The following CNTNAP2 variants were observed in gnomAD, a reference collection of about 807,000 sequenced individuals.
CNTNAP2 encodes contactin associated protein 2.
A neutral mutation model predicts 155.2 loss-of-function variants in CNTNAP2; 98 were observed. The ratio of observed to expected loss-of-function variants is 0.63; its 90% CI spans 0.54 to 0.75. CNTNAP2 has a LOEUF of 0.75. Ranked by LOEUF, CNTNAP2 falls within the 30% of genes least tolerant of loss-of-function variation. The pLI is 0.00. For missense variants in CNTNAP2, 1,727 were observed against 1,688.1 expected (o/e 1.02, Z -0.40); for synonymous variants, 651 against 631.2 (o/e 1.03, Z -0.47).
intron 1 of CNTNAP2, among the ~76,000 whole-genome samples, chr7:146,223,854 A>G (rs878912131): frequency 2.0e-5 from 3 of 152,234 alleles, no homozygotes; most frequent in Admixed American, 2.0e-4. Flanking sequence ...AATAGTTATA[A>G]AGTATAATAA....
chr7:146,179,946 G>A (rs1798526588), intron 1 of CNTNAP2, among the ~76,000 whole-genome samples: 1 of 152,176 alleles, frequency 6.6e-6, no homozygotes, highest in African/African-American at 2.4e-5. Flanking sequence ...TAGTAGGAAA[G>A]TGTCAGTGCT....
intron 14 of CNTNAP2, among the ~76,000 whole-genome samples, chr7:147,941,709 A>G (rs1000502233): frequency 6.6e-6 from 1 of 152,352 alleles, no homozygotes. Flanking sequence ...AATGTGACAC[A>G]TTAAGATTCA....
At chr7:146,557,085 C>T (rs922852032) in intron 1 of CNTNAP2, among the ~76,000 whole-genome samples, 1 of 152,022 alleles carries the variant, frequency 6.6e-6, no homozygotes, top group Non-Finnish European at 1.5e-5. Flanking sequence ...TAAATTAATG[C>T]AGTTGTACGT....
intron 5 of CNTNAP2, among the ~76,000 whole-genome samples, chr7:147,108,734 T>A (rs141087701): frequency 8.1e-4 from 123 of 152,258 alleles, no homozygotes; most frequent in Non-Finnish European, 9.7e-4. Context: ...CAGATTAATA[T>A]GATAAAGGGA....
Position 147,234,937 on chromosome 7 carries a change from A to C in CNTNAP2, c.1349-65204A>C, listed in dbSNP as rs1425420046. Among the ~76,000 whole-genome samples the C allele has an allele frequency of 2.0e-5, 3 of 152,248 alleles. No individual in the cohort carries two copies. The East Asian group carries it at 5.8e-4, about 30-fold the overall frequency. ...CCATTATTGTGATTATTTGATGCAGACGCTTTGATGGTTAATGTTATGTGA... is the reference window on the plus strand; with the variant it reads ...CCATTATTGTGATTATTTGATGCAGCCGCTTTGATGGTTAATGTTATGTGA... On this transcript the variant is annotated intron_variant, in intron 8 of 23. Transcript: ENST00000361727.
At chr7:147,153,099 A>G (rs1241639926) in intron 8 of CNTNAP2, among the ~76,000 whole-genome samples, 1 of 152,152 alleles carries the variant, frequency 6.6e-6, no homozygotes, top group Non-Finnish European at 1.5e-5. Context: ...CTGTTAAAAA[A>G]AAAATTAGGA....
chr7:146,544,211 A>G (rs924332723), intron 1 of CNTNAP2, among the ~76,000 whole-genome samples: 20 of 151,972 alleles, frequency 1.3e-4, no homozygotes, highest in African/African-American at 4.6e-4. Flanking sequence ...GAAACTGAGG[A>G]GTGAATATGT....
In CNTNAP2 at chr7:146,524,585, T is replaced by C. The variant is rs938103958; in HGVS notation, c.98-249686T>C. Among the ~76,000 whole-genome samples, 4 of 152,164 alleles carry C rather than the reference T, an allele frequency of 2.6e-5. No individual in the cohort carries two copies. The East Asian group carries it at 5.8e-4, about 22-fold the overall frequency. ...ACAGTTTATGTTTCTCAACATAAAATACTATCGTCGTCATGCCAGACTGCT... is the reference window on the plus strand; with the variant it reads ...ACAGTTTATGTTTCTCAACATAAAACACTATCGTCGTCATGCCAGACTGCT... On this transcript the variant is annotated intron_variant, in intron 1 of 23. Transcript: ENST00000361727.
chr7:146,934,898 AC>A (rs1200813055), intron 3 of CNTNAP2, among the ~76,000 whole-genome samples: 4 of 152,222 alleles, frequency 2.6e-5, no homozygotes, highest in Non-Finnish European at 4.4e-5. Context: ...AGTGACCATG[AC>A]CTTTTATGAT....
Position 148,081,423 on chromosome 7 carries a change from C to T in CNTNAP2, c.2384-36695C>T, listed in dbSNP as rs546151276. On this transcript the variant is annotated intron_variant, in intron 15 of 23. Transcript: ENST00000361727. The stretch of plus-strand genomic sequence containing the variant: ...TTAATCTGGGTGGGCACCATCTAAT[C>T]GGCTGCCAGCACGGCTAGAATATAA... 5.9e-5 allele frequency among the ~76,000 whole-genome samples: 9 copies of T among 152,078 alleles called. No homozygotes were observed. The East Asian group carries it at 1.2e-3, about 20-fold the overall frequency.
At chr7:146,715,777 T>TA (rs1470467361) in intron 1 of CNTNAP2, among the ~76,000 whole-genome samples, 4 of 152,200 alleles carry the variant, frequency 2.6e-5, no homozygotes, top group Non-Finnish European at 5.9e-5. Context: ...GAAGATTACT[T>TA]AATTGCCTGT....
chr7:147,468,823 T>C (rs867087284), intron 10 of CNTNAP2, among the ~76,000 whole-genome samples: 119 of 146,914 alleles, frequency 8.1e-4, no homozygotes, highest in Admixed American at 4.0e-3. Context: ...TATTTTCTTT[T>C]TTCTTCTTCT....
intron 15 of CNTNAP2, 29 bp downstream of exon 15, chr7:147,978,018 A>C (rs1188401183): frequency 1.5e-5 from 25 of 1,613,194 alleles, no homozygotes; most frequent in Non-Finnish European, 8.5e-7. Flanking sequence ...TATGGCTTGC[A>C]CTTTCTTATC....
In CNTNAP2 at chr7:147,073,901, G is replaced by C. The variant is rs144852246; in HGVS notation, c.550+29847G>C. 3.9e-4 allele frequency among the ~76,000 whole-genome samples: 59 copies of C among 152,258 alleles called. No homozygotes were observed. In the East Asian group the frequency reaches 9.7e-3, roughly 25 times the overall value. On this transcript the variant is annotated intron_variant, in intron 4 of 23. Coordinates refer to ENST00000361727, the MANE Select transcript of CNTNAP2 (RefSeq NM_014141.6). Reference sequence around the variant, plus strand: ...GGATGAAGGGTGGGGTTAGGAGATTGAGTCAGAAAATGCAGTGTGGCATTT... The same window carrying C: ...GGATGAAGGGTGGGGTTAGGAGATTCAGTCAGAAAATGCAGTGTGGCATTT...
intron 9 of CNTNAP2, among the ~76,000 whole-genome samples, chr7:147,303,786 C>T (rs557488167): frequency 6.6e-6 from 1 of 152,300 alleles, no homozygotes; most frequent in African/African-American, 2.4e-5. Flanking sequence ...TAAATGCTGA[C>T]TGACTTTCCA....
At chr7:147,441,846 TCTCTCCCTCCCTCCCTCC>T in intron 10 of CNTNAP2, among the ~76,000 whole-genome samples, 1 of 117,142 alleles carries the variant, frequency 8.5e-6, no homozygotes, top group East Asian at 2.1e-4. Context: ...TCTCTCTCTC[TCTCTCCCTCCCTCCCTCC>T]CTCCCTCCCT....
chr7:146,928,187 G>A (rs1364639957), intron 3 of CNTNAP2, among the ~76,000 whole-genome samples: 1 of 151,910 alleles, frequency 6.6e-6, no homozygotes, highest in Non-Finnish European at 1.5e-5. Context: ...GTAAACAAGT[G>A]TCCAAAAGTT....
At chr7:147,162,852 T>G (rs563221653) in intron 8 of CNTNAP2, among the ~76,000 whole-genome samples, 2 of 152,230 alleles carry the variant, frequency 1.3e-5, no homozygotes, top group Non-Finnish European at 2.9e-5. Context: ...TCAGCAATCA[T>G]GTTACACATG....
intron 1 of CNTNAP2, among the ~76,000 whole-genome samples, chr7:146,386,032 A>C (rs373615606): frequency 6.6e-6 from 1 of 152,166 alleles, no homozygotes; most frequent in East Asian, 1.9e-4. Context: ...TACTGGCCTC[A>C]TTCCCTGCTG....
Sources: gnomAD v4.1 joint callset for allele counts (sites outside exome capture counted in the v4.1 genomes callset) on GRCh38, gnomAD v4.1.1 for gene constraint, MANE v1.5 for transcripts, NCBI Gene and HGNC (gene_info 2026-07-23, HGNC 2026-07-21) for gene names.